IQCJ: variants seen among roughly 807,000 people sequenced by gnomAD.
The protein encoded by IQCJ is IQ domain-containing protein J.
A neutral mutation model predicts 11.0 loss-of-function variants in IQCJ; 9 were observed. That is an observed-to-expected ratio of 0.82 (90% CI 0.49 to 1.43). The LOEUF is 1.43. Among genes scored for constraint, IQCJ ranks in the 40% most tolerant of loss-of-function variants. IQCJ has a pLI of 0.00. For synonymous variants in IQCJ, 55 were observed against 51.3 expected, an observed-to-expected ratio of 1.07 and a Z score of -0.31; for missense variants, 146 against 133.2, an observed-to-expected ratio of 1.10 and a Z score of -0.47.
At chr3:159,249,944 G>A (rs536186710) in intron 2 of IQCJ, among the ~76,000 whole-genome samples, 73 of 140,634 alleles carry the variant, frequency 5.2e-4, no homozygotes, top group African/African-American at 1.9e-3. Context: ...GCGAAGCTTG[G>A]CATGTGCCAA....
intron 1 of IQCJ, among the ~76,000 whole-genome samples, chr3:159,176,030 G>A (rs1021093218): frequency 1.3e-5 from 2 of 152,132 alleles, no homozygotes; most frequent in South Asian, 2.1e-4. Context: ...TTTCCCTAAC[G>A]AATGATGCTG....
chr3:159,225,718 T>C (rs1725818762), intron 1 of IQCJ, among the ~76,000 whole-genome samples: 1 of 151,896 alleles, frequency 6.6e-6, no homozygotes, highest in South Asian at 2.1e-4. Context: ...CTCGGTTCAT[T>C]CAATTCACCA....
intron 1 of IQCJ, among the ~76,000 whole-genome samples, chr3:159,162,634 G>T (rs925842887): frequency 6.6e-6 from 1 of 152,122 alleles, no homozygotes; most frequent in African/African-American, 2.4e-5. Flanking sequence ...GAATCCAGGA[G>T]CTGGTTTTTT....
Position 159,162,455 on chromosome 3 carries a change from T to C in IQCJ, c.10-83388T>C, listed in dbSNP as rs1185276172. Reference sequence around the variant, plus strand: ...GGCTGAGACAGTGGGGTTTTCTAGATATACAATCATGTCATCTGCAAAGAG... The same window carrying C: ...GGCTGAGACAGTGGGGTTTTCTAGACATACAATCATGTCATCTGCAAAGAG... On this transcript the variant is annotated intron_variant, in intron 1 of 3. Coordinates refer to ENST00000397832, the MANE Select transcript of IQCJ (RefSeq NM_001042706.3). 2.0e-5 allele frequency among the ~76,000 whole-genome samples: 3 copies of C among 152,118 alleles called. No homozygotes were observed. The South Asian group carries it at 6.2e-4, about 32-fold the overall frequency.
intron 1 of IQCJ, among the ~76,000 whole-genome samples, chr3:159,153,070 G>A (rs1180694501): frequency 6.6e-6 from 1 of 152,124 alleles, no homozygotes; most frequent in Non-Finnish European, 1.5e-5. Flanking sequence ...AAGGGTCAGA[G>A]AAGTATATAA....
At chr3:159,230,619 A>G (rs996430696) in intron 1 of IQCJ, among the ~76,000 whole-genome samples, 2 of 152,202 alleles carry the variant, frequency 1.3e-5, no homozygotes, top group Non-Finnish European at 2.9e-5. Context: ...CATTAGACAT[A>G]GATGGATTTC....
At chr3:159,207,461 A>G (rs1398942870) in intron 1 of IQCJ, among the ~76,000 whole-genome samples, 1 of 152,194 alleles carries the variant, frequency 6.6e-6, no homozygotes, top group Non-Finnish European at 1.5e-5. Flanking sequence ...GGGGAAATTC[A>G]AGATACCATA....
chr3:159,084,501 A>G (rs1422552173), intron 1 of IQCJ, among the ~76,000 whole-genome samples: 1 of 152,150 alleles, frequency 6.6e-6, no homozygotes, highest in Non-Finnish European at 1.5e-5. Flanking sequence ...TAATTGACCT[A>G]TCACTGTGAG....
intron 1 of IQCJ, among the ~76,000 whole-genome samples, chr3:159,161,834 T>G (rs897734126): frequency 6.6e-6 from 1 of 152,248 alleles, no homozygotes; most frequent in Admixed American, 6.5e-5. Context: ...AAAGATCAGA[T>G]AGCTGTAGAT....
intron 1 of IQCJ, among the ~76,000 whole-genome samples, chr3:159,233,838 A>T (rs1281800909): frequency 6.6e-6 from 1 of 152,204 alleles, no homozygotes; most frequent in Non-Finnish European, 1.5e-5. Flanking sequence ...ATTTTAGTTA[A>T]TCCCCACATA....
intron 1 of IQCJ, among the ~76,000 whole-genome samples, chr3:159,082,912 T>C (rs1293550182): frequency 6.6e-6 from 1 of 152,110 alleles, no homozygotes; most frequent in Non-Finnish European, 1.5e-5. Flanking sequence ...AAATCTGATA[T>C]CCTTCAGCAA....
intron 1 of IQCJ, among the ~76,000 whole-genome samples, chr3:159,077,570 A>G (rs1009559633): frequency 6.6e-6 from 1 of 152,148 alleles, no homozygotes. Context: ...ATACAAACAT[A>G]CTTTTAGGAA....
At chr3:159,134,942 G>C (rs1440424926) in intron 1 of IQCJ, among the ~76,000 whole-genome samples, 1 of 152,164 alleles carries the variant, frequency 6.6e-6, no homozygotes, top group Non-Finnish European at 1.5e-5. Context: ...TAGTCCCTGA[G>C]GTAAGTCTAC....
chr3:159,147,700 T>A (rs1032519923), intron 1 of IQCJ, among the ~76,000 whole-genome samples: 3 of 152,352 alleles, frequency 2.0e-5, no homozygotes, highest in Non-Finnish European at 4.4e-5. Context: ...CCGAACTTTT[T>A]TATCAATCAT....
chr3:159,136,300 C>T (rs1720286029), intron 1 of IQCJ, among the ~76,000 whole-genome samples: 1 of 152,190 alleles, frequency 6.6e-6, no homozygotes, highest in East Asian at 1.9e-4. Context: ...CCCCAAATCA[C>T]ACAACCAGAA....
chr3:159,239,246 A>T (rs563364479), intron 1 of IQCJ, among the ~76,000 whole-genome samples: 2 of 152,324 alleles, frequency 1.3e-5, no homozygotes, highest in Admixed American at 1.3e-4. Context: ...TCAATCCTCC[A>T]AATTGTCAGC....
chr3:159,261,920 T>C (rs1728233207), intron 3 of IQCJ, among the ~76,000 whole-genome samples: 1 of 152,250 alleles, frequency 6.6e-6, no homozygotes, highest in South Asian at 2.1e-4. Context: ...ATAATCTTTG[T>C]CCATTTCCTA....
chr3:159,113,350 G>A (rs567513306), intron 1 of IQCJ, among the ~76,000 whole-genome samples: 17 of 152,190 alleles, frequency 1.1e-4, no homozygotes, highest in Non-Finnish European at 1.8e-4. Context: ...CAGCCTTGGC[G>A]TACACAAAAG....
chr3:159,235,177 G>A (rs1726504116), intron 1 of IQCJ, among the ~76,000 whole-genome samples: 1 of 152,178 alleles, frequency 6.6e-6, no homozygotes, highest in South Asian at 2.1e-4. Context: ...AGAAATACAT[G>A]AAATGTAAAA....
Sources: allele counts gnomAD v4.1 joint callset (sites outside exome capture counted in the v4.1 genomes callset), GRCh38; gene constraint gnomAD v4.1.1; transcripts MANE v1.5; gene names NCBI Gene and HGNC (gene_info 2026-07-23, HGNC 2026-07-21).